Variants in HMGB1 observed in about 807,000 individuals in gnomAD.
HMGB1 encodes the protein high mobility group protein B1.
For missense variants in HMGB1, 79 were observed against 253.5 expected, an observed-to-expected ratio of 0.31 and a Z score of 4.67; for synonymous variants, 81 against 84.0, an observed-to-expected ratio of 0.96 and a Z score of 0.19.
intron 1 of HMGB1, among the ~76,000 whole-genome samples, chr13:30,490,738 A>G (rs949125968): frequency 1.3e-5 from 2 of 152,084 alleles, no homozygotes; most frequent in Non-Finnish European, 2.9e-5. Context: ...AGCTATGATC[A>G]CACCACTACA....
At chr13:30,561,210 A>G (rs1869937022) in intron 1 of HMGB1, among the ~76,000 whole-genome samples, 1 of 152,240 alleles carries the variant, frequency 6.6e-6, no homozygotes, top group African/African-American at 2.4e-5. Context: ...AATAGACGGC[A>G]GTATTTTCAG....
intron 3 of HMGB1, 46 bp downstream of exon 3, chr13:30,463,161 C>T (rs1308565919): frequency 6.4e-7 from 1 of 1,571,636 alleles, no homozygotes; most frequent in South Asian, 1.2e-5. Flanking sequence ...CTCTCAGATT[C>T]TACTGTAAAA....
chr13:30,576,580 C>T (rs1186898115), intron 1 of HMGB1, among the ~76,000 whole-genome samples: 1 of 151,684 alleles, frequency 6.6e-6, no homozygotes, highest in Non-Finnish European at 1.5e-5. Flanking sequence ...ATTTTTCCAT[C>T]TTGGCAGTCC....
chr13:30,585,774 A>G (rs4769851), intron 1 of HMGB1, among the ~76,000 whole-genome samples: 70,037 of 152,032 alleles, frequency 0.46, 18,595 homozygotes, highest in African/African-American at 0.73. Flanking sequence ...ATGACTAACT[A>G]CTAGCTCACT....
intron 1 of HMGB1, among the ~76,000 whole-genome samples, chr13:30,471,490 G>A (rs1473774168): frequency 6.6e-6 from 1 of 150,726 alleles, no homozygotes; most frequent in Admixed American, 6.6e-5. Context: ...AGAGATTATA[G>A]GCATGGGCCA....
Position 30,465,887 on chromosome 13 carries a change from G to A in HMGB1, c.-106C>T, listed in dbSNP as rs930470415. 3.0e-6 allele frequency: 3 copies of A among 985,732 alleles called. No individual in the cohort carries two copies. The African/African-American group carries it at 5.2e-5, about 17-fold the overall frequency. The allele number at this position is 985,732 out of a possible 1,614,324, so 61.1% of individuals were successfully genotyped here. A position where few individuals can be genotyped will look rare whatever the true frequency, so the allele number is the denominator to read the frequency against. ...GAGCTCAATGTACTGCAATGGCTGT[G>A]AGAGCGGGAGCCAGACGCAGCCTCC... On this transcript the variant is annotated 5_prime_UTR_variant, in exon 1 of 5. Coordinates refer to ENST00000341423, the MANE Select transcript of HMGB1 (RefSeq NM_002128.7).
chr13:30,526,175 G>T (rs1295458005), intron 1 of HMGB1, among the ~76,000 whole-genome samples: 3 of 152,126 alleles, frequency 2.0e-5, no homozygotes, highest in African/African-American at 7.2e-5. Context: ...TCACGCCTCA[G>T]TCTCCTGAGT....
Position 30,460,066 on chromosome 13 carries a change from T to C in HMGB1, c.*1291A>G, listed in dbSNP as rs1164925231. On this transcript the variant is annotated 3_prime_UTR_variant, in exon 5 of 5. Transcript: ENST00000341423. ...ACGATAATCTCGAAAACCACAAAAT[T>C]GCCAAATTGTTCCCTAAACTCCTAA... The C allele has an allele frequency of 1.3e-5, 2 of 152,580 alleles. No individual in the cohort carries two copies. Among genetic ancestry groups the C allele is most frequent in the Admixed American group, 6.5e-5 (1 of 15,286 alleles). The allele number at this position is 152,580 out of a possible 1,614,324, so 9.5% of individuals were successfully genotyped here. A position where few individuals can be genotyped will look rare whatever the true frequency, so the allele number is the denominator to read the frequency against.
chr13:30,563,661 T>C (rs1870060926), intron 1 of HMGB1, among the ~76,000 whole-genome samples: 1 of 152,224 alleles, frequency 6.6e-6, no homozygotes, highest in African/African-American at 2.4e-5. Context: ...TTTCTTTTGG[T>C]ACATTACAGC....
chr13:30,545,990 C>T lies in HMGB1; in HGVS notation c.-15+70681G>A, dbSNP rs117015268. 3.3e-3 allele frequency among the ~76,000 whole-genome samples: 506 copies of T among 152,344 alleles called. 4 individuals carry two copies. Among genetic ancestry groups the T allele is most frequent in the Admixed American group, 5.8e-3 (89 of 15,304 alleles). On this transcript the variant is annotated intron_variant, in intron 1 of 4. Transcript: ENST00000405805. ...GTGTTGGGATGACAGGTATGAGCCA[C>T]CACGTGCAGCCACACTGGCTACATT... is the stretch of plus-strand genomic sequence containing the variant.
intron 1 of HMGB1, among the ~76,000 whole-genome samples, chr13:30,538,724 CTTTCTTTTTCTT>C (rs1270311363): frequency 4.1e-5 from 3 of 72,644 alleles, no homozygotes; most frequent in African/African-American, 1.5e-4. Flanking sequence ...TCTTCTTTTT[CTTTCTTTTTCTT>C]TCTTTCTTCT....
At chr13:30,464,287 T>C in intron 1 of HMGB1, 1 of 985,542 alleles carries the variant, frequency 1.0e-6, no homozygotes, top group Non-Finnish European at 1.2e-6. Context: ...GCAGCCTCGT[T>C]TCCTATCGGT....
rs978916961 is a variant in HMGB1, at chr13:30,480,942, C to G, written c.-14-17248G>C. Among the ~76,000 whole-genome samples the G allele has an allele frequency of 1.4e-4, 22 of 151,770 alleles. 1 individual carries two copies. Among genetic ancestry groups the G allele is most frequent in the Admixed American group, 1.4e-3 (22 of 15,250 alleles). Reference sequence around the variant, plus strand: ...ACTAAGGAAATCAATAATCTCATCCCAAGCAGAAGAATGGATTTTTGTGAG... The same window carrying G: ...ACTAAGGAAATCAATAATCTCATCCGAAGCAGAAGAATGGATTTTTGTGAG... On this transcript the variant is annotated intron_variant, in intron 1 of 4. Coordinates refer to the HMGB1 transcript ENST00000405805.
At chr13:30,520,872 C>T (rs1007949428) in intron 1 of HMGB1, among the ~76,000 whole-genome samples, 8 of 152,150 alleles carry the variant, frequency 5.3e-5, no homozygotes, top group Non-Finnish European at 1.0e-4. Flanking sequence ...TTGGCAAGCA[C>T]GTGATGATTT....
intron 1 of HMGB1, among the ~76,000 whole-genome samples, chr13:30,588,719 C>T (rs538447419): frequency 1.3e-5 from 2 of 152,134 alleles, no homozygotes; most frequent in East Asian, 2.0e-4. Context: ...GAGTTTGAGA[C>T]CAGCCTGGCC....
chr13:30,508,076 T>C (rs1887908915), intron 1 of HMGB1, among the ~76,000 whole-genome samples: 1 of 152,170 alleles, frequency 6.6e-6, no homozygotes, highest in African/African-American at 2.4e-5. Context: ...TACTCCCATA[T>C]CATACTGGAT....
At chr13:30,476,629 A>C (rs1593265638) in intron 1 of HMGB1, among the ~76,000 whole-genome samples, 2 of 152,016 alleles carry the variant, frequency 1.3e-5, no homozygotes, top group East Asian at 3.9e-4. Context: ...TTTGGGAGGC[A>C]GAGGTGGGTG....
At chr13:30,549,277 T>A (rs1400490505) in intron 1 of HMGB1, among the ~76,000 whole-genome samples, 1 of 152,178 alleles carries the variant, frequency 6.6e-6, no homozygotes, top group Admixed American at 6.5e-5. Flanking sequence ...AGTGAGATGC[T>A]GTCTGAATAA....
rs1886187238 is a variant in HMGB1, at chr13:30,459,698, T to TGC, written c.*1658_*1659insGC. On this transcript the variant is annotated 3_prime_UTR_variant, in exon 5 of 5. Coordinates refer to ENST00000341423, the MANE Select transcript of HMGB1 (RefSeq NM_002128.7). ...AACCTTTTATCAGCCCATTAACCTA[T>TGC]TTATAAGCATAAAGTGAGTATTTTT... 6.6e-6 allele frequency: 1 copy of TGC among 152,182 alleles called. No homozygotes were observed. The highest frequency in any genetic ancestry group is 2.1e-4 in the South Asian group (1 of 4,832). The allele number at this position is 152,182 out of a possible 1,614,324, so 9.4% of individuals were successfully genotyped here.
Sources: gnomAD v4.1 joint callset for allele counts (sites outside exome capture counted in the v4.1 genomes callset) on GRCh38, gnomAD v4.1.1 for gene constraint, MANE v1.5 for transcripts, NCBI Gene and HGNC (gene_info 2026-07-23, HGNC 2026-07-21) for gene names.